The following KIAA1328 variants were observed in gnomAD, a reference collection of about 807,000 sequenced individuals.
KIAA1328 encodes the protein KIAA1328.
KIAA1328 carries 52 observed loss-of-function variants against 68.1 expected under a neutral mutation model. That is an observed-to-expected ratio of 0.76 (90% CI 0.61 to 0.96). KIAA1328 has a LOEUF of 0.96. Ranked by LOEUF, KIAA1328 falls within the 40% of genes least tolerant of loss-of-function variation. KIAA1328 has a pLI of 0.00. For missense variants in KIAA1328, 641 were observed against 677.6 expected (o/e 0.95, Z 0.60); for synonymous variants, 232 against 239.4 (o/e 0.97, Z 0.28).
intron 6 of KIAA1328, among the ~76,000 whole-genome samples, chr18:36,987,485 TA>T (rs536681918): frequency 1.5e-3 from 157 of 105,386 alleles, no homozygotes; most frequent in African/African-American, 3.7e-3. Flanking sequence ...TAGAGTATAA[TA>T]AAAAAAAATA....
chr18:37,201,978 G>A (rs552516165), intron 9 of KIAA1328, among the ~76,000 whole-genome samples: 7 of 152,212 alleles, frequency 4.6e-5, no homozygotes, highest in South Asian at 4.2e-4. Flanking sequence ...ATTCGTCAAC[G>A]CCTTGGTGAA....
chr18:36,914,479 T>C (rs2049600559), intron 5 of KIAA1328, among the ~76,000 whole-genome samples: 1 of 152,152 alleles, frequency 6.6e-6, no homozygotes, highest in Non-Finnish European at 1.5e-5. Flanking sequence ...TCCAGCACTT[T>C]GGGAGGCTGA....
rs565632687 is a variant in KIAA1328, at chr18:36,945,307, T to G, written c.449-14001T>G. Reference sequence around the variant, plus strand: ...TGAACAGTCCACATAAGCTTAATTATATTAAGAACCATTGAAGTAAAGTTG... The same window carrying G: ...TGAACAGTCCACATAAGCTTAATTAGATTAAGAACCATTGAAGTAAAGTTG... On this transcript the variant is annotated intron_variant, in intron 5 of 9. Transcript: ENST00000280020. 3.9e-5 allele frequency among the ~76,000 whole-genome samples: 6 copies of G among 152,314 alleles called. No individual in the cohort carries two copies. In the South Asian group the frequency reaches 1.2e-3, roughly 32 times the overall value.
chr18:37,054,668 G>A (rs564897843), intron 6 of KIAA1328, among the ~76,000 whole-genome samples: 66 of 152,318 alleles, frequency 4.3e-4, no homozygotes, highest in African/African-American at 1.6e-3. Flanking sequence ...CAAAATGGGA[G>A]TGGAAGAGTG....
At chr18:37,229,101 T>G (rs2060653431), downstream of KIAA1328, among the ~76,000 whole-genome samples, 1 of 152,142 alleles carries the variant, frequency 6.6e-6, no homozygotes, top group South Asian at 2.1e-4. Flanking sequence ...CCTGTATGTC[T>G]TTGTGGGGTA....
intron 6 of KIAA1328, among the ~76,000 whole-genome samples, chr18:36,999,034 A>G (rs181291964): frequency 1.3e-5 from 2 of 152,320 alleles, no homozygotes; most frequent in African/African-American, 4.8e-5. Flanking sequence ...AGAAATCAGA[A>G]AAACAATTCA....
intron 6 of KIAA1328, among the ~76,000 whole-genome samples, chr18:37,017,569 T>G (rs2054194117): frequency 6.6e-6 from 1 of 152,190 alleles, no homozygotes; most frequent in Non-Finnish European, 1.5e-5. Context: ...GGTGTTGAAG[T>G]CCTCCAATAC....
chr18:36,955,126 T>TG (rs1212109580), intron 5 of KIAA1328, among the ~76,000 whole-genome samples: 13 of 136,344 alleles, frequency 9.5e-5, no homozygotes, highest in Admixed American at 8.6e-4. Context: ...GGCATCCCCT[T>TG]AAGGCTATCT....
At chr18:36,888,524 T>C (rs1250955867) in intron 5 of KIAA1328, among the ~76,000 whole-genome samples, 1 of 152,196 alleles carries the variant, frequency 6.6e-6, no homozygotes, top group Non-Finnish European at 1.5e-5. Context: ...AAATGGTATA[T>C]CATTGTCAAA....
At chr18:37,148,999 T>A (rs994254191) in intron 7 of KIAA1328, among the ~76,000 whole-genome samples, 15 of 152,188 alleles carry the variant, frequency 9.9e-5, no homozygotes, top group African/African-American at 3.6e-4. Flanking sequence ...ATGGTCATAC[T>A]ACCCAAAGTA....
intron 9 of KIAA1328, among the ~76,000 whole-genome samples, chr18:37,184,693 A>G (rs1327250461): frequency 6.6e-6 from 1 of 152,238 alleles, no homozygotes. Context: ...CTTCTGTCCT[A>G]TCTGTCTGAA....
intron 7 of KIAA1328, among the ~76,000 whole-genome samples, chr18:37,120,245 A>G (rs1264957089): frequency 1.4e-5 from 2 of 140,614 alleles, no homozygotes; most frequent in Non-Finnish European, 3.0e-5. Flanking sequence ...TAGCTACAAT[A>G]CTTTAGCAAT....
intron 6 of KIAA1328, among the ~76,000 whole-genome samples, chr18:36,971,612 AG>A (rs1216744008): frequency 1.3e-5 from 2 of 152,146 alleles, no homozygotes; most frequent in Non-Finnish European, 2.9e-5. Flanking sequence ...CTGGACGACA[AG>A]AGTAAAACTC....
At chr18:37,001,802 C>T (rs910603725) in intron 6 of KIAA1328, among the ~76,000 whole-genome samples, 1 of 152,130 alleles carries the variant, frequency 6.6e-6, no homozygotes, top group African/African-American at 2.4e-5. Context: ...TAAAATTCAA[C>T]ATCCCTTCAT....
chr18:37,041,205 T>G (rs538436296), intron 6 of KIAA1328, among the ~76,000 whole-genome samples: 1 of 152,092 alleles, frequency 6.6e-6, no homozygotes, highest in South Asian at 2.1e-4. Context: ...TGTCAATTTT[T>G]ATTTCATGTG....
At chr18:37,174,665 C>T (rs2059566252) in intron 9 of KIAA1328, among the ~76,000 whole-genome samples, 1 of 151,718 alleles carries the variant, frequency 6.6e-6, no homozygotes, top group African/African-American at 2.4e-5. Flanking sequence ...GCAATCTTGG[C>T]TCACTACAAG....
rs2060605343 is a variant in KIAA1328 at position 37,223,870 on chromosome 18, T to C, written c.*1643T>C. ...TAGAAAAGAATGGAGCCCACTAATA[T>C]TATATTTTTCTTCTGAAATAAATAT... is the stretch of plus-strand genomic sequence containing the variant. On this transcript the variant is annotated 3_prime_UTR_variant, in exon 10 of 10. Coordinates refer to ENST00000280020, the MANE Select transcript of KIAA1328 (RefSeq NM_020776.3). The C allele has an allele frequency of 1.0e-6, 1 of 983,332 alleles. No homozygotes were observed. The highest frequency in any genetic ancestry group is 1.2e-6 in the Non-Finnish European group (1 of 828,026). 60.9% of individuals were successfully genotyped at this position (983,332 alleles called of 1,614,324 possible).
At chr18:36,935,908 TATTATA>T (rs1037488680) in intron 5 of KIAA1328, among the ~76,000 whole-genome samples, 2 of 152,168 alleles carry the variant, frequency 1.3e-5, no homozygotes, top group Non-Finnish European at 2.9e-5. Context: ...AGTAAAACTC[TATTATA>T]ATTAGTCCTA....
At chr18:37,181,707 C>A (rs1333671347) in intron 9 of KIAA1328, among the ~76,000 whole-genome samples, 1 of 152,158 alleles carries the variant, frequency 6.6e-6, no homozygotes, top group Non-Finnish European at 1.5e-5. Context: ...ATGTACATTA[C>A]AACAGCTTAT....
Sources: gnomAD v4.1 joint callset for allele counts (sites outside exome capture counted in the v4.1 genomes callset) on GRCh38, gnomAD v4.1.1 for gene constraint, MANE v1.5 for transcripts, NCBI Gene and HGNC (gene_info 2026-07-23, HGNC 2026-07-21) for gene names.